The following AMN1 variants were observed in gnomAD, a reference collection of about 807,000 sequenced individuals.
AMN1 encodes the protein antagonist of mitotic exit network 1 homolog.
A neutral mutation model predicts 33.0 loss-of-function variants in AMN1; 20 were observed. The observed-to-expected ratio is 0.61, with a 90% CI of 0.43 to 0.88. AMN1 has a LOEUF of 0.88. Ranked by LOEUF, AMN1 falls within the 40% of genes least tolerant of loss-of-function variation. AMN1 has a pLI of 0.00. For synonymous variants in AMN1, 114 were observed against 111.9 expected (o/e 1.02, Z -0.12); for missense variants, 246 against 307.4 (o/e 0.80, Z 1.49).
intron 3 of AMN1, among the ~76,000 whole-genome samples, chr12:31,698,738 G>C (rs1938847896): frequency 6.6e-6 from 1 of 150,614 alleles, no homozygotes; most frequent in Non-Finnish European, 1.5e-5. Flanking sequence ...TCTTAAGAAA[G>C]AACTTTTTTT....
chr12:31,710,654 A>C (rs1251803701), intron 1 of AMN1, among the ~76,000 whole-genome samples: 1 of 152,054 alleles, frequency 6.6e-6, no homozygotes, highest in African/African-American at 2.4e-5. Flanking sequence ...TTACTTTTAT[A>C]CACTGTCTTT....
chr12:31,728,922 G>A (rs1166305711), intron 1 of AMN1, 49 bp downstream of exon 1: 1 of 1,532,020 alleles, frequency 6.5e-7, no homozygotes, highest in Non-Finnish European at 8.8e-7. Flanking sequence ...TGGCCGTTTG[G>A]AGGAGGTGCT....
chr12:31,726,288 AG>A (rs2139738906), intron 1 of AMN1, among the ~76,000 whole-genome samples: 1 of 151,972 alleles, frequency 6.6e-6, no homozygotes, highest in South Asian at 2.1e-4. Flanking sequence ...CAGCCTCCCA[AG>A]GAGCTGGGAT....
In AMN1 at chr12:31,692,586, T is replaced by TA. The variant is rs76963075; in HGVS notation, c.592-3469dup. On this transcript the variant is annotated intron_variant, in intron 5 of 6. Coordinates refer to ENST00000281471, the MANE Select transcript of AMN1 (RefSeq NM_001113402.2). ...TTTATGGAAAACAATTTAGGACTGT[T>TA]AAAAAAATATTCATACCTATTAATC... Among the ~76,000 whole-genome samples, 11 of 152,154 alleles carry TA rather than the reference T, an allele frequency of 7.2e-5. 1 individual carries two copies. Among genetic ancestry groups the TA allele is most frequent in the African/African-American group, 1.2e-4 (5 of 41,520 alleles).
intron 1 of AMN1, among the ~76,000 whole-genome samples, chr12:31,720,198 T>C (rs546447134): frequency 1.1e-4 from 17 of 152,250 alleles, no homozygotes; most frequent in Non-Finnish European, 2.2e-4. Flanking sequence ...CACCTGTATC[T>C]AGTTCTAAAA....
intron 5 of AMN1, among the ~76,000 whole-genome samples, chr12:31,695,750 G>A (rs1938695862): frequency 6.6e-6 from 1 of 151,456 alleles, no homozygotes. Flanking sequence ...GCCTCCCAAA[G>A]TGCTGGGATT....
intron 1 of AMN1, among the ~76,000 whole-genome samples, chr12:31,726,018 C>G (rs1940050036): frequency 6.6e-6 from 1 of 152,054 alleles, no homozygotes; most frequent in African/African-American, 2.4e-5. Context: ...ATCTTTCTTT[C>G]AGATTCAAAA....
At position 31,678,013 on chromosome 12, in the gene AMN1, T is replaced by G. The variant is rs544657966; in HGVS notation, c.704-5636A>C. On this transcript the variant is annotated intron_variant, in intron 6 of 6. Coordinates refer to ENST00000281471, the MANE Select transcript of AMN1 (RefSeq NM_001113402.2). Reference sequence around the variant, plus strand: ...GGCCAAGAAGAATCTGAACAGGCCTTGCTGGGTTTCTCCACTCTTACTATT... The same window carrying G: ...GGCCAAGAAGAATCTGAACAGGCCTGGCTGGGTTTCTCCACTCTTACTATT... 2.0e-5 allele frequency among the ~76,000 whole-genome samples: 3 copies of G among 152,264 alleles called. No homozygotes were observed. In the South Asian group the frequency reaches 6.2e-4, roughly 32 times the overall value.
intron 6 of AMN1, among the ~76,000 whole-genome samples, chr12:31,680,860 A>G (rs916757732): frequency 8.5e-5 from 13 of 152,184 alleles, no homozygotes; most frequent in Admixed American, 2.6e-4. Context: ...TATAAGAGGA[A>G]TCATGTTATA....
chr12:31,674,761 G>T (rs974550188), intron 6 of AMN1, among the ~76,000 whole-genome samples: 1 of 152,046 alleles, frequency 6.6e-6, no homozygotes, highest in Non-Finnish European at 1.5e-5. Flanking sequence ...GCTCATGCCT[G>T]TAATTCCAGC....
At chr12:31,698,952 T>C (rs1056989217) in intron 3 of AMN1, among the ~76,000 whole-genome samples, 6 of 152,028 alleles carry the variant, frequency 3.9e-5, no homozygotes, top group African/African-American at 1.4e-4. Context: ...GGTGACAGCA[T>C]GTGACCCCTA....
chr12:31,697,718 T>C (rs1028627297), intron 4 of AMN1, 22 bp downstream of exon 4: 13 of 1,596,502 alleles, frequency 8.1e-6, no homozygotes, highest in Middle Eastern at 1.7e-4. Context: ...GTCTATATGT[T>C]TGTAGCCTAT....
chr12:31,677,916 TAGG>T (rs1343464297), intron 6 of AMN1, among the ~76,000 whole-genome samples: 1 of 152,160 alleles, frequency 6.6e-6, no homozygotes, highest in Non-Finnish European at 1.5e-5. Flanking sequence ...CCTTGTCAGA[TAGG>T]AGATCATAAG....
At chr12:31,685,238 A>G (rs1938206019) in intron 6 of AMN1, among the ~76,000 whole-genome samples, 1 of 151,966 alleles carries the variant, frequency 6.6e-6, no homozygotes, top group Admixed American at 6.6e-5. Flanking sequence ...CATGTTGGCC[A>G]GGTTGGTCTT....
chr12:31,696,619 T>C (rs1382728434), intron 5 of AMN1, among the ~76,000 whole-genome samples: 4 of 152,112 alleles, frequency 2.6e-5, no homozygotes, highest in African/African-American at 9.7e-5. Flanking sequence ...ATTCAAAGGA[T>C]GAACACAAAT....
rs549943486 is a variant in AMN1, at chr12:31,700,315, A to G, written c.316+1548T>C. Among the ~76,000 whole-genome samples, 3 of 152,274 alleles carry G rather than the reference A, an allele frequency of 2.0e-5. No individual in the cohort carries two copies. In the East Asian group the frequency reaches 5.8e-4, roughly 29 times the overall value. On this transcript the variant is annotated intron_variant, in intron 3 of 6. Transcript: ENST00000281471. ...GAGGCTGAGGCTACAGTGAGCCAAGATTGTGCCACTGCATTCCAGCTTGGG... is the reference window on the plus strand; with the variant it reads ...GAGGCTGAGGCTACAGTGAGCCAAGGTTGTGCCACTGCATTCCAGCTTGGG...
chr12:31,713,339 T>A (rs1939543243), intron 1 of AMN1, among the ~76,000 whole-genome samples: 1 of 152,216 alleles, frequency 6.6e-6, no homozygotes, highest in Non-Finnish European at 1.5e-5. Context: ...CTTATTTTTC[T>A]ACTAAATGTG....
intron 1 of AMN1, chr12:31,715,325 G>C (rs1173305534): frequency 4.7e-6 from 1 of 214,002 alleles, no homozygotes; most frequent in East Asian, 1.2e-4. Context: ...GAGAAAGTCA[G>C]TTCTTAGAAC....
intron 3 of AMN1, among the ~76,000 whole-genome samples, chr12:31,701,533 C>T (rs920290482): frequency 1.6e-4 from 25 of 152,078 alleles, no homozygotes; most frequent in Non-Finnish European, 4.4e-5. Flanking sequence ...TGGCATCGAA[C>T]TCCTTGGCTC....
Sources: gnomAD v4.1 joint callset for allele counts (sites outside exome capture counted in the v4.1 genomes callset) on GRCh38, gnomAD v4.1.1 for gene constraint, MANE v1.5 for transcripts, NCBI Gene and HGNC (gene_info 2026-07-23, HGNC 2026-07-21) for gene names.